The following URI1 variants were observed in gnomAD, a reference collection of about 807,000 sequenced individuals.
URI1 encodes unconventional prefoldin RPB5 interactor 1.
In URI1, 39 loss-of-function variants were observed where a neutral mutation model predicts 60.2. The ratio of observed to expected loss-of-function variants is 0.65; its 90% CI spans 0.50 to 0.85. The LOEUF (loss-of-function observed/expected upper bound fraction) is 0.85. Ranked by LOEUF, URI1 falls within the 40% of genes least tolerant of loss-of-function variation. The pLI is 0.00. For synonymous variants in URI1, 251 were observed against 236.8 expected, an observed-to-expected ratio of 1.06 and a Z score of -0.55; for missense variants, 691 against 665.9, an observed-to-expected ratio of 1.04 and a Z score of -0.42.
chr19:29,969,393 A>G (rs2055430583), intron 1 of URI1, among the ~76,000 whole-genome samples: 1 of 152,180 alleles, frequency 6.6e-6, no homozygotes, highest in Admixed American at 6.5e-5. Flanking sequence ...TAAAAAGCAT[A>G]TGTGCCAAAT....
Position 30,009,198 on chromosome 19 carries a change from A to C in URI1, c.880A>C (p.Ser294Arg), listed in dbSNP as rs2055984029. The C allele has an allele frequency of 6.2e-7, 1 of 1,610,282 alleles. No individual in the cohort carries two copies. Among genetic ancestry groups the C allele is most frequent in the Non-Finnish European group, 8.5e-7 (1 of 1,179,144 alleles). The change falls in exon 8 of 11, where the codon AGT becomes CGT. Residue 294 changes from serine (S) to arginine (R), a missense_variant. Ser to Arg is a moderately radical substitution (Grantham distance 110). Transcript: ENST00000392271. ...SQLNCSVNGSSSYHSDDDDDD... is the reference protein window; with the variant it reads ...SQLNCSVNGSRSYHSDDDDDD... Reference sequence around the variant, plus strand: ...GTTGAACTGTTCAGTGAATGGTTCCAGTTCTTACCACAGTGATGATGATGA... The same window carrying C: ...GTTGAACTGTTCAGTGAATGGTTCCCGTTCTTACCACAGTGATGATGATGA...
At chr19:29,939,567 C>T (rs2055003788), upstream of URI1, among the ~76,000 whole-genome samples, 1 of 152,216 alleles carries the variant, frequency 6.6e-6, no homozygotes, top group African/African-American at 2.4e-5. Context: ...AGCCACTGCG[C>T]CCGGCCAAAG....
At chr19:29,981,009 AT>A (rs1189874682) in intron 2 of URI1, among the ~76,000 whole-genome samples, 1 of 149,286 alleles carries the variant, frequency 6.7e-6, no homozygotes, top group Admixed American at 6.7e-5. Context: ...GCAAAGTCTT[AT>A]TGTTTCAACC....
chr19:30,006,069 T>C (rs2055938837), intron 6 of URI1, among the ~76,000 whole-genome samples: 1 of 152,118 alleles, frequency 6.6e-6, no homozygotes, highest in Non-Finnish European at 1.5e-5. Context: ...CTAGTTTTTC[T>C]TCTTTTAAAA....
At chr19:30,011,569 A>G (rs958502778) in intron 9 of URI1, among the ~76,000 whole-genome samples, 5 of 150,982 alleles carry the variant, frequency 3.3e-5, no homozygotes, top group Non-Finnish European at 5.9e-5. Flanking sequence ...CAGCCGTAAC[A>G]TGCTTGGCAT....
intron 1 of URI1, among the ~76,000 whole-genome samples, chr19:29,942,959 C>T (rs2055051228): frequency 6.6e-6 from 1 of 152,156 alleles, no homozygotes. Context: ...GAAGCGTTCG[C>T]CTTAATATTT....
chr19:29,992,439 A>C (rs1180118439), intron 4 of URI1, among the ~76,000 whole-genome samples: 1 of 152,200 alleles, frequency 6.6e-6, no homozygotes, highest in Non-Finnish European at 1.5e-5. Flanking sequence ...CAGTCTTTTA[A>C]TTGATGTACT....
At chr19:29,991,857 A>G (rs1398412870) in intron 4 of URI1, among the ~76,000 whole-genome samples, 1 of 152,088 alleles carries the variant, frequency 6.6e-6, no homozygotes, top group Non-Finnish European at 1.5e-5. Context: ...GCATCTATTG[A>G]TATGATCTTG....
chr19:29,934,474 C>T (rs1468074254), intron 1 of URI1, among the ~76,000 whole-genome samples: 1 of 152,216 alleles, frequency 6.6e-6, no homozygotes, highest in Non-Finnish European at 1.5e-5. Context: ...CTTGCAGATG[C>T]TGCCTTCTCA....
At chr19:29,975,072 CT>C (rs376515692) in intron 2 of URI1, among the ~76,000 whole-genome samples, 2,286 of 142,440 alleles carry the variant, frequency 0.016, 20 homozygotes, top group Middle Eastern at 0.025. Context: ...TGGCAGAATG[CT>C]TTTTTTTTTT....
chr19:29,956,599 C>T (rs1258796263), intron 1 of URI1: 2 of 1,503,740 alleles, frequency 1.3e-6, no homozygotes, highest in Non-Finnish European at 1.8e-6. Flanking sequence ...ACAGGCAACA[C>T]CTGGTCTCAT....
intron 9 of URI1, among the ~76,000 whole-genome samples, chr19:30,011,456 TCAC>T: frequency 6.6e-6 from 1 of 151,942 alleles, no homozygotes; most frequent in Non-Finnish European, 1.5e-5. Flanking sequence ...TTTCTCCTCT[TCAC>T]CAGTGCTTTT....
rs149845017 is a variant in URI1, at chr19:30,011,191, C to T, written c.1133C>T (p.Ser378Phe). 4.3e-6 allele frequency: 7 copies of T among 1,611,966 alleles called. No homozygotes were observed. The Admixed American group carries it at 5.0e-5, about 12-fold the overall frequency. Residue 378 changes from serine (S) to phenylalanine (F), a missense_variant, in exon 9 of 11, where the codon TCT becomes TTT. Coordinates refer to ENST00000392271, the MANE Select transcript of URI1 (RefSeq NM_003796.3). ...AAGAACAGCACTGGCAGTGGCCACT[C>T]TGCCCAGGAGCTGCCGACCATCAGG... ...KRKNSTGSGH[S>F]AQELPTIRTP...
intron 1 of URI1, among the ~76,000 whole-genome samples, chr19:29,935,969 G>A (rs2054968346): frequency 1.3e-5 from 2 of 151,840 alleles, no homozygotes; most frequent in Admixed American, 1.3e-4. Flanking sequence ...TGTATTTTTA[G>A]TAGAGACAGG....
In URI1 at chr19:29,987,252, T is replaced by TA. The variant is rs559411542; in HGVS notation, c.367+838dup. ...TAAATGATGGGAAGATCCTTTTTTA[T>TA]AAATAAGGTCATACTAAACAGAAAA... is the stretch of plus-strand genomic sequence containing the variant. On this transcript the variant is annotated intron_variant, in intron 4 of 10. Coordinates refer to ENST00000392271, the MANE Select transcript of URI1 (RefSeq NM_003796.3). 5.3e-5 allele frequency among the ~76,000 whole-genome samples: 8 copies of TA among 152,314 alleles called. No homozygotes were observed. In the South Asian group the frequency reaches 1.7e-3, roughly 32 times the overall value.
intron 1 of URI1, among the ~76,000 whole-genome samples, chr19:29,948,076 G>A (rs915538113): frequency 1.3e-5 from 2 of 152,014 alleles, no homozygotes; most frequent in Non-Finnish European, 2.9e-5. Flanking sequence ...CATAAATCAG[G>A]TGACTGTGTA....
At chr19:29,989,486 C>T (rs566044593) in intron 4 of URI1, among the ~76,000 whole-genome samples, 36 of 151,946 alleles carry the variant, frequency 2.4e-4, no homozygotes, top group Middle Eastern at 3.4e-3. Context: ...TGCAGTGGCG[C>T]GATGTCAGTT....
intron 1 of URI1, among the ~76,000 whole-genome samples, chr19:29,950,137 T>G (rs2055161769): frequency 6.6e-6 from 1 of 152,216 alleles, no homozygotes; most frequent in African/African-American, 2.4e-5. Flanking sequence ...AAGAGACAAC[T>G]TTGGTTTTAG....
chr19:29,949,841 G>A (rs556986441), intron 1 of URI1, among the ~76,000 whole-genome samples: 4 of 152,248 alleles, frequency 2.6e-5, no homozygotes, highest in African/African-American at 9.6e-5. Flanking sequence ...GGAGGTTGCA[G>A]TGAGCCGAGA....
Sources: gnomAD v4.1 joint callset for allele counts (sites outside exome capture counted in the v4.1 genomes callset) on GRCh38, gnomAD v4.1.1 for gene constraint, MANE v1.5 for transcripts, NCBI Gene and HGNC (gene_info 2026-07-23, HGNC 2026-07-21) for gene names.